The following RCAN3 variants were observed in gnomAD, a reference collection of about 807,000 sequenced individuals.
The protein encoded by RCAN3 is calcipressin-3.
A neutral mutation model predicts 21.9 loss-of-function variants in RCAN3; 19 were observed. The observed-to-expected ratio is 0.87, with a 90% confidence interval of 0.61 to 1.27. The LOEUF is 1.27. RCAN3 is among the 50% of genes most tolerant of loss of function. RCAN3 has a pLI of 0.00. For synonymous variants in RCAN3, 114 were observed against 112.3 expected (o/e 1.01, Z -0.09); for missense variants, 240 against 300.1 (o/e 0.80, Z 1.48).
intron 4 of RCAN3, among the ~76,000 whole-genome samples, chr1:24,534,431 C>T (rs1350844103): frequency 2.0e-5 from 3 of 152,044 alleles, no homozygotes; most frequent in South Asian, 2.1e-4. Flanking sequence ...GATAAAACCC[C>T]GTCTCTACTA....
chr1:24,539,578 T>G lies in RCAN3; in HGVS notation c.*4301T>G. 1 of 152,246 alleles carries G rather than the reference T, an allele frequency of 6.6e-6. No homozygotes were observed. The highest frequency in any genetic ancestry group is 1.9e-4 in the East Asian group (1 of 5,206). The allele number at this position is 152,246 out of a possible 1,614,324, so 9.4% of individuals were successfully genotyped here. A position where few individuals can be genotyped will look rare whatever the true frequency, so the allele number is the denominator to read the frequency against. ...AAGAGTTTGCAGTGGAATGATACTC[T>G]CACTCCGTGCTTGTAAAATTGAGTT... On this transcript the variant is annotated 3_prime_UTR_variant, in exon 5 of 5. Transcript: ENST00000374395.
rs1648120203 is a variant in RCAN3, at chr1:24,514,319, G to T, written c.-54G>T. 5.0e-6 allele frequency: 7 copies of T among 1,403,796 alleles called. No individual in the cohort carries two copies. The highest frequency in any genetic ancestry group is 6.6e-6 in the Non-Finnish European group (7 of 1,055,554). The allele number at this position is 1,403,796 out of a possible 1,614,324, so 87.0% of individuals were successfully genotyped here. ...ATTTTCTTTTTTTTTAACAGTGGGT[G>T]CCTGATAGACATCCTAGGACTATAC... On this transcript the variant is annotated 5_prime_UTR_variant, in exon 2 of 5. Transcript: ENST00000374395.
intron 2 of RCAN3, 124 bp downstream of exon 2, chr1:24,514,691 G>C: frequency 1.1e-6 from 1 of 927,104 alleles, no homozygotes; most frequent in Non-Finnish European, 1.6e-6. Context: ...CTTTTAGGCC[G>C]GGCGCATTGG....
Position 24,533,387 on chromosome 1 carries a change from G to A in RCAN3, c.541+133G>A, listed in dbSNP as rs950882937. 2.8e-5 allele frequency: 18 copies of A among 639,638 alleles called. No individual in the cohort carries two copies. In the Admixed American group the frequency reaches 5.6e-4, roughly 20 times the overall value. The allele number at this position is 639,638 out of a possible 1,614,324, so 39.6% of individuals were successfully genotyped here. On this transcript the variant is annotated intron_variant, in intron 4 of 4. Coordinates refer to ENST00000374395, the MANE Select transcript of RCAN3 (RefSeq NM_013441.4). ...CAAACACACCTGGGTTCAGATTCCA[G>A]CTGTGGCATCTGCTTGCTCTGTGAT...
rs72652589 is a variant in RCAN3, at chr1:24,512,940, A to G, written c.-59-1374A>G. Among the ~76,000 whole-genome samples, 1,229 of 152,242 alleles carry G rather than the reference A, an allele frequency of 8.1e-3. 8 individuals carry two copies. Among genetic ancestry groups the G allele is most frequent in the South Asian group, 0.018 (89 of 4,818 alleles). ...TTTGCCTTAAAATTGGTTATTTTTT[A>G]AAGTTTGGAAAAAGGGACCAGGCGC... On this transcript the variant is annotated intron_variant, in intron 1 of 4. Coordinates refer to ENST00000374395, the MANE Select transcript of RCAN3 (RefSeq NM_013441.4).
chr1:24,532,015 T>G (rs1045791351), intron 3 of RCAN3, among the ~76,000 whole-genome samples: 1 of 152,148 alleles, frequency 6.6e-6, no homozygotes, highest in African/African-American at 2.4e-5. Context: ...AAACATTTTT[T>G]TCAGTCTCCC....
In RCAN3 at chr1:24,530,885, C is replaced by G. The variant is rs549880168; in HGVS notation, c.196-333C>G. On this transcript the variant is annotated intron_variant, in intron 2 of 4. Transcript: ENST00000374395. The stretch of plus-strand genomic sequence containing the variant: ...ATTAGCCGGGCATGGTGGCCGGCCC[C>G]TATAATCCCAGCTACTTTGGAGGCT... Among the ~76,000 whole-genome samples, 4 of 152,160 alleles carry G rather than the reference C, an allele frequency of 2.6e-5. No homozygotes were observed. The South Asian group carries it at 8.3e-4, about 32-fold the overall frequency.
intron 1 of RCAN3, among the ~76,000 whole-genome samples, chr1:24,505,241 T>C (rs1330116703): frequency 4.2e-5 from 6 of 142,736 alleles, no homozygotes; most frequent in East Asian, 2.0e-4. Context: ...TCTTTTTTTT[T>C]TTTTTTTTTT....
intron 2 of RCAN3, among the ~76,000 whole-genome samples, chr1:24,517,055 A>G (rs2148898603): frequency 6.6e-6 from 1 of 151,998 alleles, no homozygotes; most frequent in South Asian, 2.1e-4. Flanking sequence ...AATTCTCTCA[A>G]GAAACGTCAC....
At chr1:24,534,101 G>A (rs1261770777) in intron 4 of RCAN3, among the ~76,000 whole-genome samples, 7 of 151,922 alleles carry the variant, frequency 4.6e-5, no homozygotes, top group Non-Finnish European at 1.0e-4. Flanking sequence ...ATAAGAAACC[G>A]ATGTGATGCT....
chr1:24,535,258 C>A lies in RCAN3; in HGVS notation c.707C>A (p.Thr236Asn), dbSNP rs16829813. 6,448 of 1,552,960 alleles carry A rather than the reference C, an allele frequency of 4.2e-3. 183 individuals carry two copies. In the African/African-American group the frequency reaches 0.069, roughly 17 times the overall value. The part of the protein sequence containing the change: ...PPTAALNEPQ[T>N]FDCAL ...ACCGCAGCGTTGAATGAGCCCCAGA[C>A]CTTTGATTGCGCGCTGTGAGGCCCT... The change falls in exon 5 of 5, where the codon ACC becomes AAC. Residue 236 changes from threonine to asparagine, a missense_variant. Transcript: ENST00000374395.
At chr1:24,514,230 G>T in intron 1 of RCAN3, 84 bp from the exon 2 acceptor site, 1 of 589,898 alleles carries the variant, frequency 1.7e-6, no homozygotes, top group Non-Finnish European at 2.7e-6. Flanking sequence ...TTCATTTGAT[G>T]AATTGCAGCC....
intron 1 of RCAN3, among the ~76,000 whole-genome samples, chr1:24,506,850 A>C (rs78642958): frequency 0.038 from 5,721 of 152,184 alleles, 162 homozygotes; most frequent in Non-Finnish European, 0.058. Flanking sequence ...TGAAACAAAC[A>C]AATCTTATCA....
At position 24,535,382 on chromosome 1, in the gene RCAN3, C is replaced by T. The variant is rs977967866; in HGVS notation, c.*105C>T. 16 of 1,288,296 alleles carry T rather than the reference C, an allele frequency of 1.2e-5. No homozygotes were observed. In the South Asian group the frequency reaches 2.0e-4, roughly 16 times the overall value. The allele number at this position is 1,288,296 out of a possible 1,614,324, so 79.8% of individuals were successfully genotyped here. A position where few individuals can be genotyped will look rare whatever the true frequency, so the allele number is the denominator to read the frequency against. On this transcript the variant is annotated 3_prime_UTR_variant, in exon 5 of 5. Transcript: ENST00000374395. ...GCGAACAGCATAGGTGAGACTCTGC[C>T]GAGTGAGGTATAGGTCTTCTCACCA...
chr1:24,523,637 CACACATAT>C (rs944249085), intron 2 of RCAN3, among the ~76,000 whole-genome samples: 7 of 138,714 alleles, frequency 5.0e-5, no homozygotes, highest in African/African-American at 1.3e-4. Context: ...CACACACACA[CACACATAT>C]ATATTTTTTT....
intron 1 of RCAN3, chr1:24,507,636 A>T (rs1271216009): frequency 6.6e-6 from 1 of 152,246 alleles, no homozygotes; most frequent in African/African-American, 2.4e-5. Flanking sequence ...TGAAGAAAAG[A>T]TTAATGAAAG....
At chr1:24,528,680 C>T (rs1286004313) in intron 2 of RCAN3, among the ~76,000 whole-genome samples, 1 of 152,144 alleles carries the variant, frequency 6.6e-6, no homozygotes, top group East Asian at 1.9e-4. Context: ...AGCTTGTATG[C>T]ACATGATAAC....
Position 24,531,660 on chromosome 1 carries a change from C to T in RCAN3, c.369+269C>T, listed in dbSNP as rs186847134. ...GCAGCTTTGCTCAACTGGGACTCTG[C>T]GTGGGTTACGCCCTGACACCCTAGT... On this transcript the variant is annotated intron_variant, in intron 3 of 4. Coordinates refer to ENST00000374395, the MANE Select transcript of RCAN3 (RefSeq NM_013441.4). Among the ~76,000 whole-genome samples, 472 of 152,204 alleles carry T rather than the reference C, an allele frequency of 3.1e-3. 3 individuals carry two copies. The highest frequency in any genetic ancestry group is 2.5e-3 in the Non-Finnish European group (167 of 68,022).
intron 2 of RCAN3, among the ~76,000 whole-genome samples, chr1:24,527,433 AT>A (rs1299797733): frequency 6.6e-6 from 1 of 152,208 alleles, no homozygotes; most frequent in East Asian, 1.9e-4. Context: ...GACATAATAT[AT>A]TTTTTTAAAT....
Sources: allele counts gnomAD v4.1 joint callset (sites outside exome capture counted in the v4.1 genomes callset), GRCh38; gene constraint gnomAD v4.1.1; transcripts MANE v1.5; gene names NCBI Gene and HGNC (gene_info 2026-07-23, HGNC 2026-07-21).